FNIP2: variants seen among roughly 807,000 people sequenced by gnomAD.
The protein encoded by FNIP2 is folliculin interacting protein 2, also known as folliculin-interacting protein 2.
A neutral mutation model predicts 108.7 loss-of-function variants in FNIP2; 32 were observed. The observed-to-expected ratio is 0.29, with a 90% confidence interval of 0.22 to 0.40. The LOEUF (loss-of-function observed/expected upper bound fraction) is 0.40, where lower values mean the gene tolerates loss of function less well. FNIP2 is among the 10% of genes least tolerant of loss of function. The pLI is 1.00. For missense variants in FNIP2, 1,202 were observed against 1,381.6 expected (o/e 0.87, Z 2.06); for synonymous variants, 480 against 496.7 (o/e 0.97, Z 0.45).
intron 7 of FNIP2, among the ~76,000 whole-genome samples, chr4:158,846,685 G>A (rs1254703242): frequency 3.9e-5 from 6 of 152,172 alleles, no homozygotes; most frequent in Non-Finnish European, 4.4e-5. Flanking sequence ...AGGTTAACAA[G>A]AGAAAAGCGT....
At chr4:158,828,429 C>G (rs1560781930) in intron 2 of FNIP2, among the ~76,000 whole-genome samples, 1 of 152,178 alleles carries the variant, frequency 6.6e-6, no homozygotes, top group Non-Finnish European at 1.5e-5. Flanking sequence ...TCTTGGTCAA[C>G]ATGGTGAAAC....
chr4:158,853,743 T>C (rs182085679), intron 8 of FNIP2, among the ~76,000 whole-genome samples: 33 of 152,332 alleles, frequency 2.2e-4, no homozygotes, highest in Admixed American at 3.9e-4. Flanking sequence ...TGTTAAACAG[T>C]TTTTTAAAAG....
rs559407976 is a variant in FNIP2 at position 158,835,337 on chromosome 4, T to G, written c.656-68T>G. The G allele has an allele frequency of 9.1e-5, 123 of 1,356,666 alleles. No homozygotes were observed. In the African/African-American group the frequency reaches 1.3e-3, roughly 15 times the overall value. The allele number at this position is 1,356,666 out of a possible 1,614,324, so 84.0% of individuals were successfully genotyped here. A position where few individuals can be genotyped will look rare whatever the true frequency, so the allele number is the denominator to read the frequency against. ...GCCTACTTTGAAATTTAAAAATTAC[T>G]GCAGTCATTTTAAAAACTTTATCTC... On this transcript the variant is annotated intron_variant, in intron 6 of 16. Transcript: ENST00000264433.
intron 1 of FNIP2, among the ~76,000 whole-genome samples, chr4:158,794,918 G>A (rs1208488236): frequency 6.6e-6 from 1 of 152,176 alleles, no homozygotes; most frequent in African/African-American, 2.4e-5. Flanking sequence ...ATACCTGAAT[G>A]TATCCCTTAT....
chr4:158,868,251 G>C lies in FNIP2; in HGVS notation c.1615G>C (p.Gly539Arg), dbSNP rs147318337. 0.01 allele frequency: 16,474 copies of C among 1,614,050 alleles called. 95 individuals carry two copies. Among genetic ancestry groups the C allele is most frequent in the Non-Finnish European group, 0.012 (14,332 of 1,179,890 alleles). Residue 539 changes from glycine (G) to arginine (R), a missense_variant, in exon 13 of 17, where the codon GGC (glycine) becomes CGC (arginine). By Grantham distance (125) the Gly-to-Arg change is moderately radical. Coordinates refer to ENST00000264433, the MANE Select transcript of FNIP2 (RefSeq NM_020840.3). The surrounding 1 kb of genome is among the most constrained non-coding windows in gnomAD (Gnocchi z 4.6). ...ACAAGAGAACCAGCTGACCTGGAGT[G>C]GCAATCATGGTGAAGGTGACCAAGT... ...ELQENQLTWS[G>R]NHGEGDQVLN...
At chr4:158,894,165 GTTTTC>G (rs1379548114) in intron 15 of FNIP2, among the ~76,000 whole-genome samples, 1 of 129,818 alleles carries the variant, frequency 7.7e-6, no homozygotes, top group Non-Finnish European at 1.6e-5. Flanking sequence ...TTTAAAAAAT[GTTTTC>G]TTTTTTTTTT....
rs944953744 is a variant in FNIP2 at position 158,888,386 on chromosome 4, G to A, written c.2950-3060G>A. On this transcript the variant is annotated intron_variant, in intron 14 of 16. Coordinates refer to ENST00000264433, the MANE Select transcript of FNIP2 (RefSeq NM_020840.3). The stretch of plus-strand genomic sequence containing the variant: ...GAACACAAGATGCTCATCGACTCTT[G>A]TCATTTGCTTGTGCTTAATCTGTCT... 5.3e-5 allele frequency among the ~76,000 whole-genome samples: 8 copies of A among 152,292 alleles called. 1 individual carries two copies. In the East Asian group the frequency reaches 1.5e-3, roughly 29 times the overall value.
chr4:158,852,878 A>C (rs1452606889), intron 8 of FNIP2, among the ~76,000 whole-genome samples: 1 of 152,162 alleles, frequency 6.6e-6, no homozygotes, highest in Non-Finnish European at 1.5e-5. Flanking sequence ...GAAATAATAC[A>C]CCTAAAATAA....
At chr4:158,848,594 A>T (rs1779531408) in intron 7 of FNIP2, among the ~76,000 whole-genome samples, 2 of 152,180 alleles carry the variant, frequency 1.3e-5, no homozygotes, top group Non-Finnish European at 2.9e-5. Flanking sequence ...CATAAAGACC[A>T]TCCAGGATCA....
rs1276561922 is a variant in FNIP2 at position 158,905,041 on chromosome 4, T to TAGAC, written c.*499_*502dup. ...GGATTCCAGGTCACAGTTTGCTTTT[T>TAGAC]AGACAAGGTAAAGCAAAGAAAGCCA... On this transcript the variant is annotated 3_prime_UTR_variant, in exon 17 of 17. Coordinates refer to ENST00000264433, the MANE Select transcript of FNIP2 (RefSeq NM_020840.3). 2.6e-5 allele frequency: 4 copies of TAGAC among 153,406 alleles called. No individual in the cohort carries two copies. Among genetic ancestry groups the TAGAC allele is most frequent in the African/African-American group, 9.6e-5 (4 of 41,474 alleles). The allele number at this position is 153,406 out of a possible 1,614,324, so 9.5% of individuals were successfully genotyped here.
chr4:158,807,115 G>T (rs895225315), intron 1 of FNIP2, among the ~76,000 whole-genome samples: 1 of 152,090 alleles, frequency 6.6e-6, no homozygotes, highest in African/African-American at 2.4e-5. Flanking sequence ...ACAAAAAACT[G>T]TTTTGAGAAT....
At chr4:158,802,041 GT>G (rs1776780950) in intron 1 of FNIP2, among the ~76,000 whole-genome samples, 1 of 152,166 alleles carries the variant, frequency 6.6e-6, no homozygotes, top group Admixed American at 6.5e-5. Flanking sequence ...GACCTATTTT[GT>G]TTTTAATAAA....
intron 1 of FNIP2, among the ~76,000 whole-genome samples, chr4:158,797,363 G>T (rs1033369485): frequency 1.3e-5 from 2 of 152,196 alleles, no homozygotes; most frequent in African/African-American, 4.8e-5. Context: ...GGCCAAGAAT[G>T]AGTGAGATAC....
rs563382361 is a variant in FNIP2 at position 158,833,727 on chromosome 4, G to A, written c.655+99G>A. ...GTTTGTCGTGGGTTTTTTTTTTTGCGTTATCTTTAATCTGTGTTTATTTTT... is the reference window on the plus strand; with the variant it reads ...GTTTGTCGTGGGTTTTTTTTTTTGCATTATCTTTAATCTGTGTTTATTTTT... On this transcript the variant is annotated intron_variant, in intron 6 of 16. Coordinates refer to ENST00000264433, the MANE Select transcript of FNIP2 (RefSeq NM_020840.3). 2.1e-5 allele frequency: 29 copies of A among 1,406,848 alleles called. No homozygotes were observed. In the East Asian group the frequency reaches 2.6e-4, roughly 12 times the overall value. The allele number at this position is 1,406,848 out of a possible 1,614,324, so 87.1% of individuals were successfully genotyped here. A position where few individuals can be genotyped will look rare whatever the true frequency, so the allele number is the denominator to read the frequency against.
At position 158,862,773 on chromosome 4, in the gene FNIP2, G is replaced by A. The variant is rs916948896; in HGVS notation, c.1465+997G>A. Among the ~76,000 whole-genome samples, 4 of 152,250 alleles carry A rather than the reference G, an allele frequency of 2.6e-5. 1 individual carries two copies. Among genetic ancestry groups the A allele is most frequent in the Admixed American group, 2.6e-4 (4 of 15,292 alleles). The stretch of plus-strand genomic sequence containing the variant: ...CGGGAAGTTTTTCCTGGGGAAGACA[G>A]AACATGGTTGTTTTGTTATGGAATA... On this transcript the variant is annotated intron_variant, in intron 12 of 16. Coordinates refer to ENST00000264433, the MANE Select transcript of FNIP2 (RefSeq NM_020840.3).
At chr4:158,880,599 A>T (rs1015080765) in intron 14 of FNIP2, among the ~76,000 whole-genome samples, 12 of 152,250 alleles carry the variant, frequency 7.9e-5, no homozygotes, top group African/African-American at 2.4e-4. Context: ...ATAATAATAA[A>T]AAAAATTCTA....
chr4:158,805,977 T>C (rs1017560997), intron 1 of FNIP2: 1 of 309,504 alleles, frequency 3.2e-6, no homozygotes, highest in Non-Finnish European at 5.3e-6. Context: ...TGTAATGTGA[T>C]AGATGGATCT....
chr4:158,892,054 G>C (rs750720716), intron 15 of FNIP2, among the ~76,000 whole-genome samples: 1 of 151,564 alleles, frequency 6.6e-6, no homozygotes, highest in Admixed American at 6.6e-5. Flanking sequence ...AAGGTGTTAA[G>C]GATAAAATAG....
intron 8 of FNIP2, among the ~76,000 whole-genome samples, 168 bp downstream of exon 8, chr4:158,851,618 TA>T (rs1463265298): frequency 2.0e-5 from 3 of 152,188 alleles, no homozygotes; most frequent in African/African-American, 7.2e-5. Flanking sequence ...AAGGGAAGAA[TA>T]AATAAAAGCT....
Sources: allele counts gnomAD v4.1 joint callset (sites outside exome capture counted in the v4.1 genomes callset), GRCh38; gene constraint gnomAD v4.1.1; non-coding constraint Gnocchi (gnomAD v3.1); transcripts MANE v1.5; gene names NCBI Gene and HGNC (gene_info 2026-07-23, HGNC 2026-07-21).